Variants in C18orf63 observed in about 807,000 individuals in gnomAD.
C18orf63 encodes uncharacterized protein C18orf63.
A neutral mutation model predicts 75.3 loss-of-function variants in C18orf63; 50 were observed. That is an observed-to-expected ratio of 0.66 (90% CI 0.53 to 0.84). C18orf63 has a LOEUF of 0.84. C18orf63 is among the 40% of genes least tolerant of loss of function. The probability of loss-of-function intolerance (pLI) is 0.00; values close to 1 mark genes in which losing one functional copy is unlikely to be tolerated. For missense variants in C18orf63, 732 were observed against 800.2 expected, an observed-to-expected ratio of 0.91 and a Z score of 1.03; for synonymous variants, 232 against 267.6, an observed-to-expected ratio of 0.87 and a Z score of 1.30.
chr18:74,319,566 T>A (rs775045599), intron 2 of C18orf63, among the ~76,000 whole-genome samples: 6 of 152,204 alleles, frequency 3.9e-5, no homozygotes, highest in Non-Finnish European at 2.9e-5. Context: ...ATTCTGATGA[T>A]GTTTGTTTTA....
intron 6 of C18orf63, among the ~76,000 whole-genome samples, chr18:74,329,391 A>AC (rs1477965940): frequency 2.4e-4 from 35 of 148,774 alleles, no homozygotes; most frequent in South Asian, 4.2e-4. Flanking sequence ...AAAAAAAAAA[A>AC]AAAAACCAGT....
At chr18:74,352,296 GA>G (rs201702160) in intron 11 of C18orf63, among the ~76,000 whole-genome samples, 111 of 152,076 alleles carry the variant, frequency 7.3e-4, no homozygotes, top group East Asian at 2.9e-3. Flanking sequence ...TGTTTGGAAT[GA>G]AAAAAAATTT....
intron 3 of C18orf63, among the ~76,000 whole-genome samples, chr18:74,321,767 A>G (rs1228953635): frequency 6.6e-6 from 1 of 152,152 alleles, no homozygotes; most frequent in Non-Finnish European, 1.5e-5. Context: ...AGCAAGGGCG[A>G]TAAGAGGAAA....
chr18:74,343,482 G>T, intron 10 of C18orf63, 37 bp from the exon 11 acceptor site: 1 of 1,371,642 alleles, frequency 7.3e-7, no homozygotes, highest in Non-Finnish European at 9.6e-7. Flanking sequence ...TGCCTCTTAT[G>T]TAATAAAATC....
chr18:74,319,323 C>T (rs1984080082), intron 2 of C18orf63, among the ~76,000 whole-genome samples: 1 of 152,128 alleles, frequency 6.6e-6, no homozygotes, highest in South Asian at 2.1e-4. Context: ...TAATGGCAGG[C>T]CTTGCCAAGG....
At chr18:74,324,558 T>C (rs1984177063) in intron 4 of C18orf63, among the ~76,000 whole-genome samples, 1 of 152,216 alleles carries the variant, frequency 6.6e-6, no homozygotes, top group South Asian at 2.1e-4. Flanking sequence ...TAAGAACTTA[T>C]CAATGACATT....
intron 4 of C18orf63, among the ~76,000 whole-genome samples, chr18:74,326,408 C>G (rs1353621589): frequency 6.6e-6 from 1 of 152,212 alleles, no homozygotes; most frequent in African/African-American, 2.4e-5. Context: ...TTGGCTCTTT[C>G]TCCAGCCTTG....
rs1363888409 is a variant in C18orf63, at chr18:74,358,754, A to G, written c.*2307A>G. On this transcript the variant is annotated 3_prime_UTR_variant, in exon 14 of 14. Coordinates refer to ENST00000579455, the MANE Select transcript of C18orf63 (RefSeq NM_001174123.2). Reference sequence around the variant, plus strand: ...CGATTACTTTAAAAAATATATGGCAATGTCAAAATAAATGCCAAGAATCAT... The same window carrying G: ...CGATTACTTTAAAAAATATATGGCAGTGTCAAAATAAATGCCAAGAATCAT... The G allele has an allele frequency of 6.6e-6, 1 of 152,186 alleles. No individual in the cohort carries two copies. The highest frequency in any genetic ancestry group is 1.5e-5 in the Non-Finnish European group (1 of 68,012). 9.4% of individuals were successfully genotyped at this position (152,186 alleles called of 1,614,324 possible).
At chr18:74,344,860 A>T (rs1012558869) in intron 11 of C18orf63, among the ~76,000 whole-genome samples, 1 of 152,074 alleles carries the variant, frequency 6.6e-6, no homozygotes, top group East Asian at 1.9e-4. Flanking sequence ...GGAGGCTATT[A>T]CTAGTAATAC....
intron 4 of C18orf63, among the ~76,000 whole-genome samples, chr18:74,323,333 A>G (rs1005965782): frequency 2.0e-5 from 3 of 152,156 alleles, no homozygotes; most frequent in African/African-American, 4.8e-5. Flanking sequence ...AGTTTGGAAT[A>G]ATGAGGTTTC....
rs1374129858 is a variant in C18orf63, at chr18:74,318,799, A to AT, written c.134+800_134+801insT. 2.6e-5 allele frequency among the ~76,000 whole-genome samples: 4 copies of AT among 152,154 alleles called. No individual in the cohort carries two copies. In the South Asian group the frequency reaches 6.2e-4, roughly 24 times the overall value. ...AGCGAGACTCTGTCTCAGAAAAAAA[A>AT]AAAAAGGAAAGAAAAGCAGCTTAGA... is the stretch of plus-strand genomic sequence containing the variant. On this transcript the variant is annotated intron_variant, in intron 2 of 13. Transcript: ENST00000579455.
Position 74,345,823 on chromosome 18 carries a change from T to C in C18orf63, c.978+2121T>C, listed in dbSNP as rs59615483. The stretch of plus-strand genomic sequence containing the variant: ...CTTAATTATGTAATCTTAAATTTTA[T>C]ATTTATTATAAATAGTGTTTTAATC... On this transcript the variant is annotated intron_variant, in intron 11 of 13. Coordinates refer to ENST00000579455, the MANE Select transcript of C18orf63 (RefSeq NM_001174123.2). Among the ~76,000 whole-genome samples, 429 of 152,118 alleles carry C rather than the reference T, an allele frequency of 2.8e-3. 3 individuals carry two copies. Among genetic ancestry groups the C allele is most frequent in the African/African-American group, 9.1e-3 (379 of 41,562 alleles).
At chr18:74,329,179 A>ACAAGTT in intron 6 of C18orf63, 143 bp downstream of exon 6, 1 of 565,326 alleles carries the variant, frequency 1.8e-6, no homozygotes, top group Non-Finnish European at 3.2e-6. Flanking sequence ...GTTTGAGCCC[A>ACAAGTT]CAAGTTCAAG....
At chr18:74,339,348 A>G (rs1438526407) in intron 8 of C18orf63, among the ~76,000 whole-genome samples, 1 of 152,120 alleles carries the variant, frequency 6.6e-6, no homozygotes, top group East Asian at 1.9e-4. Flanking sequence ...GACTCTCTTT[A>G]CAGACTTTTC....
At position 74,334,444 on chromosome 18, in the gene C18orf63, T is replaced by G. The variant is rs150517727; in HGVS notation, c.501+3502T>G. Among the ~76,000 whole-genome samples, 3 of 152,250 alleles carry G rather than the reference T, an allele frequency of 2.0e-5. No homozygotes were observed. The East Asian group carries it at 5.8e-4, about 30-fold the overall frequency. On this transcript the variant is annotated intron_variant, in intron 7 of 13. Coordinates refer to ENST00000579455, the MANE Select transcript of C18orf63 (RefSeq NM_001174123.2). ...GAAAAGGGGTAGCAGAAAAGTCAAT[T>G]ATGCATTTCTCTCACTCAGTAAATC...
chr18:74,342,320 C>G lies in C18orf63; in HGVS notation c.788C>G (p.Thr263Ser). 1 of 1,517,884 alleles carries G rather than the reference C, an allele frequency of 6.6e-7. No homozygotes were observed. Among genetic ancestry groups the G allele is most frequent in the Non-Finnish European group, 8.8e-7 (1 of 1,131,912 alleles). The allele number at this position is 1,517,884 out of a possible 1,614,324, so 94.0% of individuals were successfully genotyped here. A position where few individuals can be genotyped will look rare whatever the true frequency, so the allele number is the denominator to read the frequency against. The change falls in exon 10 of 14, where the codon ACC (threonine) becomes AGC (serine). Residue 263 changes from threonine to serine, a missense_variant. By Grantham distance (58) the Thr-to-Ser change is moderately conservative (BLOSUM62 1). Around this residue, in one of 3 missense-constraint regions of C18orf63, gnomAD observed 495 missense variants for 508.7 expected, o/e 0.97. Transcript: ENST00000579455. The part of the protein sequence containing the change: ...NIYFKMLGER[T>S]FTYPLSCIRS... Reference sequence around the variant, plus strand: ...TATTTCAAAATGCTCGGAGAAAGGACCTTCACATATCCTTTACACACCAAC... The same window carrying G: ...TATTTCAAAATGCTCGGAGAAAGGAGCTTCACATATCCTTTACACACCAAC...
intron 2 of C18orf63, among the ~76,000 whole-genome samples, chr18:74,320,164 GAAGAA>G (rs1984094845): frequency 6.6e-6 from 1 of 152,164 alleles, no homozygotes; most frequent in African/African-American, 2.4e-5. Context: ...GATAATTTAT[GAAGAA>G]AAGAGGTTTA....
chr18:74,318,959 G>A (rs1211613249), intron 2 of C18orf63, among the ~76,000 whole-genome samples: 2 of 152,140 alleles, frequency 1.3e-5, no homozygotes, highest in Admixed American at 1.3e-4. Context: ...CAAACAACTA[G>A]AAGATACCCA....
chr18:74,327,012 C>T (rs11659327), intron 4 of C18orf63, among the ~76,000 whole-genome samples: 24,947 of 152,020 alleles, frequency 0.16, 2,150 homozygotes, highest in Admixed American at 0.21. Context: ...CTAATTGAGC[C>T]CATGCCCTTA....
Sources: gnomAD v4.1 joint callset for allele counts (sites outside exome capture counted in the v4.1 genomes callset) on GRCh38, gnomAD v4.1.1 for gene constraint, gnomAD v4.1.1 regional missense constraint, MANE v1.5 for transcripts, NCBI Gene and HGNC (gene_info 2026-07-23, HGNC 2026-07-21) for gene names.